The following ASIC2 variants were observed in gnomAD, a reference collection of about 807,000 sequenced individuals.
The protein encoded by ASIC2 is acid sensing ion channel subunit 2, also known as acid-sensing ion channel 2.
In ASIC2, 25 loss-of-function variants were observed where a neutral mutation model predicts 57.3. The observed-to-expected ratio is 0.44, with a 90% CI of 0.32 to 0.61. The LOEUF (loss-of-function observed/expected upper bound fraction) is 0.61. Ranked by LOEUF, ASIC2 falls within the 20% of genes least tolerant of loss-of-function variation. ASIC2 has a pLI of 0.06. For missense variants in ASIC2, 641 were observed against 738.1 expected, an observed-to-expected ratio of 0.87 and a Z score of 1.52; for synonymous variants, 319 against 307.5, an observed-to-expected ratio of 1.04 and a Z score of -0.39.
intron 1 of ASIC2, among the ~76,000 whole-genome samples, chr17:33,925,182 C>T (rs1325046172): frequency 6.6e-6 from 1 of 152,224 alleles, no homozygotes. Context: ...GTGACCTTTG[C>T]CTGGTTCCTT....
intron 1 of ASIC2, among the ~76,000 whole-genome samples, chr17:33,958,699 G>A (rs914711045): frequency 1.3e-5 from 2 of 152,118 alleles, no homozygotes. Flanking sequence ...TGTGATGGGA[G>A]TGGCTGCCAC....
chr17:34,095,337 C>T (rs1185593750), intron 1 of ASIC2, among the ~76,000 whole-genome samples: 1 of 152,004 alleles, frequency 6.6e-6, no homozygotes, highest in African/African-American at 2.4e-5. Context: ...TTTTTCCAGG[C>T]ACCTGAGGTA....
At chr17:33,256,160 T>G (rs1909059765) in intron 1 of ASIC2, among the ~76,000 whole-genome samples, 1 of 152,238 alleles carries the variant, frequency 6.6e-6, no homozygotes, top group Non-Finnish European at 1.5e-5. Context: ...AAGATCGTTC[T>G]TTGAAAACTG....
intron 1 of ASIC2, among the ~76,000 whole-genome samples, chr17:34,135,769 C>T (rs1228654936): frequency 6.6e-6 from 1 of 152,058 alleles, no homozygotes; most frequent in African/African-American, 2.4e-5. Context: ...AAAGGCAGGA[C>T]TTGTATTTTA....
chr17:33,269,273 G>T (rs573538644), intron 1 of ASIC2, among the ~76,000 whole-genome samples: 1 of 152,280 alleles, frequency 6.6e-6, no homozygotes, highest in African/African-American at 2.4e-5. Context: ...TTTAGTTATT[G>T]TGGGAGATTT....
chr17:33,982,490 T>G (rs1905662164), intron 1 of ASIC2, among the ~76,000 whole-genome samples: 1 of 152,198 alleles, frequency 6.6e-6, no homozygotes. Flanking sequence ...CTGAGTCAGA[T>G]CTGAGTCCAG....
At chr17:33,713,454 T>A (rs1183548839) in intron 1 of ASIC2, among the ~76,000 whole-genome samples, 1 of 152,192 alleles carries the variant, frequency 6.6e-6, no homozygotes, top group Non-Finnish European at 1.5e-5. Context: ...CAATCTCTTC[T>A]CCATCATCAT....
intron 1 of ASIC2, among the ~76,000 whole-genome samples, chr17:33,449,905 G>T (rs893588118): frequency 8.6e-5 from 13 of 151,912 alleles, no homozygotes; most frequent in African/African-American, 1.9e-4. Context: ...AGTAGATAGG[G>T]TTACAGGCAT....
intron 1 of ASIC2, among the ~76,000 whole-genome samples, chr17:33,306,553 C>A (rs536543950): frequency 6.6e-6 from 1 of 152,300 alleles, no homozygotes; most frequent in Admixed American, 6.5e-5. Flanking sequence ...GCCCTCACTT[C>A]TCCCACATTC....
chr17:33,034,144 G>A (rs2091898545), intron 3 of ASIC2, among the ~76,000 whole-genome samples: 1 of 152,118 alleles, frequency 6.6e-6, no homozygotes, highest in Admixed American at 6.5e-5. Flanking sequence ...ACTTCTCTGA[G>A]CTCTTCTAAC....
At chr17:33,986,783 T>A (rs913049877) in intron 1 of ASIC2, among the ~76,000 whole-genome samples, 1 of 152,110 alleles carries the variant, frequency 6.6e-6, no homozygotes, top group Non-Finnish European at 1.5e-5. Flanking sequence ...AATGAGAATC[T>A]GGGTCTCAGG....
intron 1 of ASIC2, among the ~76,000 whole-genome samples, chr17:33,840,891 C>A (rs557073531): frequency 2.6e-5 from 4 of 151,268 alleles, no homozygotes; most frequent in African/African-American, 7.3e-5. Context: ...GGCACATTAA[C>A]AAAATTGGAG....
At chr17:33,910,249 A>G (rs1274633934) in intron 1 of ASIC2, among the ~76,000 whole-genome samples, 2 of 152,176 alleles carry the variant, frequency 1.3e-5, no homozygotes, top group Non-Finnish European at 2.9e-5. Context: ...AAATAACAAT[A>G]TATCAAATTT....
At chr17:33,214,008 G>A (rs1907379080) in intron 1 of ASIC2, among the ~76,000 whole-genome samples, 1 of 152,124 alleles carries the variant, frequency 6.6e-6, no homozygotes, top group Non-Finnish European at 1.5e-5. Flanking sequence ...ATCCTTGATG[G>A]TATAATGTGC....
At position 34,035,615 on chromosome 17, in the gene ASIC2, A is replaced by T. The variant is rs1412251801; in HGVS notation, c.555+120363T>A. On this transcript the variant is annotated intron_variant, in intron 1 of 9. Coordinates refer to the ASIC2 transcript ENST00000359872. The stretch of plus-strand genomic sequence containing the variant: ...CAGGCAACCTACAGAACAGGAAAAA[A>T]TTTTTGCAACCTACTCATCTGACAA... 2.6e-5 allele frequency among the ~76,000 whole-genome samples: 4 copies of T among 152,152 alleles called. No individual in the cohort carries two copies. The East Asian group carries it at 7.7e-4, about 29-fold the overall frequency.
chr17:34,090,420 T>C (rs1910287517), intron 1 of ASIC2, among the ~76,000 whole-genome samples: 1 of 148,880 alleles, frequency 6.7e-6, no homozygotes, highest in Non-Finnish European at 1.5e-5. Context: ...TAATGGGAAG[T>C]GCACTGGAGT....
intron 1 of ASIC2, among the ~76,000 whole-genome samples, chr17:33,603,197 C>T (rs2142011106): frequency 6.6e-6 from 1 of 152,326 alleles, no homozygotes; most frequent in African/African-American, 2.4e-5. Context: ...CCACAGAGCC[C>T]CCGTTTAGTG....
chr17:33,638,377 G>T (rs926632339), intron 1 of ASIC2, among the ~76,000 whole-genome samples: 1 of 152,200 alleles, frequency 6.6e-6, no homozygotes, highest in Non-Finnish European at 1.5e-5. Flanking sequence ...AGGACAGTTA[G>T]CCTGTGAGGA....
chr17:33,575,763 G>A lies in ASIC2; in HGVS notation c.556-463696C>T, dbSNP rs892904235. On this transcript the variant is annotated intron_variant, in intron 1 of 9. Coordinates refer to the ASIC2 transcript ENST00000359872. ...AAGTGAGTCAAGCTGCTCTGGACTC[G>A]GTAGGTTTCATGGGCAGAGGGGCAG... 7.9e-5 allele frequency among the ~76,000 whole-genome samples: 12 copies of A among 152,208 alleles called. No homozygotes were observed. In the East Asian group the frequency reaches 9.7e-4, roughly 12 times the overall value.
Sources: allele counts gnomAD v4.1 joint callset (sites outside exome capture counted in the v4.1 genomes callset), GRCh38; gene constraint gnomAD v4.1.1; transcripts MANE v1.5; gene names NCBI Gene and HGNC (gene_info 2026-07-23, HGNC 2026-07-21).